EZR: variants seen among roughly 807,000 people sequenced by gnomAD.
The protein encoded by EZR is cytovillin 2.
EZR carries 40 observed loss-of-function variants against 74.8 expected under a neutral mutation model. The ratio of observed to expected loss-of-function variants is 0.53; its 90% CI spans 0.42 to 0.70. The LOEUF is 0.70. Among genes scored for constraint, EZR ranks in the 30% least tolerant of loss-of-function variants. EZR has a pLI of 0.00. For synonymous variants in EZR, 341 were observed against 283.3 expected, an observed-to-expected ratio of 1.20 and a Z score of -2.05; for missense variants, 678 against 755.8, an observed-to-expected ratio of 0.90 and a Z score of 1.21.
chr6:158,778,187 C>T (rs6909643), intron 7 of EZR, among the ~76,000 whole-genome samples: 61,923 of 152,052 alleles, frequency 0.41, 13,270 homozygotes, highest in Non-Finnish European at 0.48. Flanking sequence ...TCCGGAGGCT[C>T]CGCCCACAGC....
At chr6:158,779,142 G>T (rs1458397479) in intron 7 of EZR, among the ~76,000 whole-genome samples, 1 of 152,110 alleles carries the variant, frequency 6.6e-6, no homozygotes, top group African/African-American at 2.4e-5. Context: ...GACCACATGT[G>T]CCACCTTGAA....
At chr6:158,772,140 T>C (rs1293775650) in intron 8 of EZR, among the ~76,000 whole-genome samples, 1 of 152,278 alleles carries the variant, frequency 6.6e-6, no homozygotes, top group African/African-American at 2.4e-5. Context: ...GCAGTGGCAC[T>C]GTCACTTCAC....
intron 8 of EZR, among the ~76,000 whole-genome samples, chr6:158,774,475 T>C (rs1363690145): frequency 1.3e-5 from 2 of 152,066 alleles, no homozygotes; most frequent in Non-Finnish European, 2.9e-5. Context: ...GAGCTTTGCC[T>C]TGTTGATGGT....
At chr6:158,786,540 A>G (rs1357469898) in intron 4 of EZR, among the ~76,000 whole-genome samples, 1 of 152,190 alleles carries the variant, frequency 6.6e-6, no homozygotes, top group Admixed American at 6.5e-5. Context: ...GCCACATGCC[A>G]ATCGGGCCCT....
At chr6:158,798,995 C>T (rs1414293280) in intron 2 of EZR, among the ~76,000 whole-genome samples, 1 of 152,166 alleles carries the variant, frequency 6.6e-6, no homozygotes, top group Non-Finnish European at 1.5e-5. Flanking sequence ...TATAACTGAA[C>T]ATTCCCTTTC....
At chr6:158,788,979 C>A (rs1791658566) in intron 3 of EZR, among the ~76,000 whole-genome samples, 1 of 152,176 alleles carries the variant, frequency 6.6e-6, no homozygotes, top group African/African-American at 2.4e-5. Flanking sequence ...CACCTCCTTA[C>A]AATGACAAGC....
intron 2 of EZR, among the ~76,000 whole-genome samples, chr6:158,797,409 T>C (rs949910181): frequency 1.2e-4 from 18 of 152,206 alleles, no homozygotes; most frequent in African/African-American, 4.1e-4. Context: ...GTGGATTCAG[T>C]GGTTAACAGA....
rs768277957 is a variant in EZR, at chr6:158,789,279, G to C, written c.96+9C>G. On this transcript the variant is annotated intron_variant, in intron 3 of 13. Coordinates refer to ENST00000367075, the MANE Select transcript of EZR (RefSeq NM_001111077.2). The stretch of plus-strand genomic sequence containing the variant: ...TAGGTGGAGTTAACTCTCAAGTTCA[G>C]AGACCAACCTGATCAAAAAGCTGTT... The C allele has an allele frequency of 6.2e-7, 1 of 1,611,206 alleles. No homozygotes were observed. Among genetic ancestry groups the C allele is most frequent in the East Asian group, 2.2e-5 (1 of 44,854 alleles).
At chr6:158,773,127 T>C (rs1791169452) in intron 8 of EZR, among the ~76,000 whole-genome samples, 1 of 152,194 alleles carries the variant, frequency 6.6e-6, no homozygotes, top group South Asian at 2.1e-4. Flanking sequence ...TGGAGGACTC[T>C]ACCAAATAGG....
rs1156591989 is a variant in EZR, at chr6:158,801,642, T to C, written c.13-12271A>G. Among the ~76,000 whole-genome samples the C allele has an allele frequency of 3.4e-4, 52 of 152,154 alleles. 1 individual carries two copies. The highest frequency in any genetic ancestry group is 1.5e-5 in the Non-Finnish European group (1 of 68,046). On this transcript the variant is annotated intron_variant, in intron 2 of 13. Coordinates refer to ENST00000367075, the MANE Select transcript of EZR (RefSeq NM_001111077.2). ...TAACACCAGGATATGTACTAGTCTTTTACTGCCTGAGTAATAGGAATAATA... is the reference window on the plus strand; with the variant it reads ...TAACACCAGGATATGTACTAGTCTTCTACTGCCTGAGTAATAGGAATAATA...
Position 158,775,034 on chromosome 6 carries a change from C to CTTT in EZR, c.795+1371_795+1373dup, listed in dbSNP as rs397732491. ...CAAGAGTTTGCAAACAGCAGGAGCC[C>CTTT]TTTTTTTTTTTTTTTTTTGAGACGG... On this transcript the variant is annotated intron_variant, in intron 8 of 13. Transcript: ENST00000367075. Among the ~76,000 whole-genome samples, 1,109 of 121,514 alleles carry CTTT rather than the reference C, an allele frequency of 9.1e-3. 49 individuals are homozygous for CTTT. The highest frequency in any genetic ancestry group is 0.01 in the South Asian group (38 of 3,728). The allele number at this position is 121,514 out of a possible 152,430, so 79.7% of individuals were successfully genotyped here.
At chr6:158,808,377 A>G (rs1028945939) in intron 2 of EZR, among the ~76,000 whole-genome samples, 4 of 152,204 alleles carry the variant, frequency 2.6e-5, no homozygotes, top group South Asian at 2.1e-4. Context: ...TAAATTTCCA[A>G]TAAACCTGAT....
chr6:158,772,791 G>A (rs1460500528), intron 8 of EZR, among the ~76,000 whole-genome samples: 1 of 152,144 alleles, frequency 6.6e-6, no homozygotes, highest in East Asian at 1.9e-4. Flanking sequence ...GGACAGGGTG[G>A]CTAAAACAAA....
intron 7 of EZR, among the ~76,000 whole-genome samples, chr6:158,780,893 AG>A (rs1350485165): frequency 1.3e-5 from 2 of 152,210 alleles, no homozygotes; most frequent in Admixed American, 1.3e-4. Context: ...AAGGGTTTAA[AG>A]AAAGATGACA....
At chr6:158,782,694 T>C (rs1316446359) in intron 7 of EZR, among the ~76,000 whole-genome samples, 1 of 152,204 alleles carries the variant, frequency 6.6e-6, no homozygotes, top group East Asian at 1.9e-4. Context: ...AGGCTGACTG[T>C]GGACAATCAG....
chr6:158,791,033 A>G, intron 2 of EZR, among the ~76,000 whole-genome samples: 1 of 152,150 alleles, frequency 6.6e-6, no homozygotes, highest in East Asian at 1.9e-4. Context: ...CAGAAATATT[A>G]AGCACTCACC....
intron 2 of EZR, among the ~76,000 whole-genome samples, chr6:158,798,647 T>C (rs1340057384): frequency 9.2e-6 from 1 of 109,000 alleles, no homozygotes; most frequent in Non-Finnish European, 2.0e-5. Flanking sequence ...TTTTTTTTTT[T>C]GAGAAAGGGT....
At chr6:158,812,912 T>C (rs771451298) in intron 2 of EZR, among the ~76,000 whole-genome samples, 1 of 152,128 alleles carries the variant, frequency 6.6e-6, no homozygotes. Context: ...CTCAAATGCA[T>C]CCACTTCTGT....
intron 1 of EZR, among the ~76,000 whole-genome samples, chr6:158,818,680 G>A (rs1036203516): frequency 6.6e-6 from 1 of 151,838 alleles, no homozygotes; most frequent in African/African-American, 2.4e-5. Context: ...AGGGGGCGCG[G>A]GCCCAGGGAT....
Sources: allele counts gnomAD v4.1 joint callset (sites outside exome capture counted in the v4.1 genomes callset), GRCh38; gene constraint gnomAD v4.1.1; transcripts MANE v1.5; gene names NCBI Gene and HGNC (gene_info 2026-07-23, HGNC 2026-07-21).